Variants in NEUROG3 observed in about 807,000 individuals in gnomAD.
NEUROG3 encodes the protein neurogenin-3.
For synonymous variants in NEUROG3, 161 were observed against 139.2 expected, an observed-to-expected ratio of 1.16 and a Z score of -1.10; for missense variants, 307 against 297.9, an observed-to-expected ratio of 1.03 and a Z score of -0.22.
chr10:69,573,184 G>T (rs1839241756), intron 1 of NEUROG3, 26 bp downstream of exon 1: 1 of 869,888 alleles, frequency 1.1e-6, no homozygotes, highest in Non-Finnish European at 1.8e-6. Flanking sequence ...TCCCCTGCCC[G>T]TCCCTCGGAG....
At position 69,572,608 on chromosome 10, in the gene NEUROG3, A is replaced by G; in HGVS notation, c.436T>C (p.Leu146=). Residue 146 remains leucine, a synonymous_variant, in exon 2 of 2, where the codon TTG becomes CTG. Transcript: ENST00000242462. Reference sequence around the variant, plus strand: ...GGCGCCGGCGGCTCCAGCGCGTACAAGCTGTGGTCCGCTATGCGCAGCGTT... The same window carrying G: ...GGCGCCGGCGGCTCCAGCGCGTACAGGCTGTGGTCCGCTATGCGCAGCGTT... ...TQTLRIADHS[L]YALEPPAPHC... is the part of the protein sequence containing the mutation. 6.2e-7 allele frequency: 1 copy of G among 1,613,964 alleles called. No individual in the cohort carries two copies. The highest frequency in any genetic ancestry group is 8.5e-7 in the Non-Finnish European group (1 of 1,179,918).
chr10:69,572,620 C>T lies in NEUROG3; in HGVS notation c.424G>A (p.Ala142Thr). The stretch of plus-strand genomic sequence containing the variant: ...TCCAGCGCGTACAAGCTGTGGTCCG[C>T]TATGCGCAGCGTTTGAGTCAGCGCC... The part of the protein sequence containing the change: ...IWALTQTLRI[A>T]DHSLYALEPP... Residue 142 changes from alanine (A) to threonine (T), a missense_variant, in exon 2 of 2, where the codon GCG becomes ACG. By Grantham distance (58) the Ala-to-Thr change is moderately conservative. Coordinates refer to ENST00000242462, the MANE Select transcript of NEUROG3 (RefSeq NM_020999.4). The T allele has an allele frequency of 1.9e-6, 3 of 1,614,078 alleles. No individual in the cohort carries two copies. The highest frequency in any genetic ancestry group is 2.5e-6 in the Non-Finnish European group (3 of 1,179,940).
rs1839246045 is a variant in NEUROG3, at chr10:69,573,415, T to A, written c.-207A>T. On this transcript the variant is annotated 5_prime_UTR_variant, in exon 1 of 2. Coordinates refer to ENST00000242462, the MANE Select transcript of NEUROG3 (RefSeq NM_020999.4). The stretch of plus-strand genomic sequence containing the variant: ...GCGCGGCGGTGAGACCGCAGGGATT[T>A]CCTGAGCAGCAAGTCGTGTGCCCCT... Among the ~76,000 whole-genome samples the A allele has an allele frequency of 6.6e-6, 1 of 152,128 alleles. No individual in the cohort carries two copies. Among genetic ancestry groups the A allele is most frequent in the Non-Finnish European group, 1.5e-5 (1 of 68,014 alleles).
chr10:69,572,970 G>T lies in NEUROG3; in HGVS notation c.74C>A (p.Ser25Ter). ...CGTGGGGCAGGTCACTTCGTCTTCC[G>T]AGGCTCTGGGGAAGGACCGCTCCGT... The part of the protein sequence containing the change: ...RETERSFPRA[S>*]EDEVTCPTSA... The change falls in exon 2 of 2, where the codon TCG becomes TAG. Residue 25 changes from serine to a stop codon, truncating the protein, a stop_gained. Transcript: ENST00000242462. LOFTEE classifies it low-confidence loss of function (END_TRUNC). 6.2e-7 allele frequency: 1 copy of T among 1,613,530 alleles called. No homozygotes were observed. Among genetic ancestry groups the T allele is most frequent in the Non-Finnish European group, 8.5e-7 (1 of 1,180,006 alleles).
rs1461650439 is a variant in NEUROG3, at chr10:69,572,882, G to T, written c.162C>A (p.Cys54Ter). 1 of 1,609,636 alleles carries T rather than the reference G, an allele frequency of 6.2e-7. No homozygotes were observed. The highest frequency in any genetic ancestry group is 1.7e-5 in the Admixed American group (1 of 59,820). ...GNCAEAEEGG[C>*]RGAPRKLRAR... Reference sequence around the variant, plus strand: ...CCCGGAGCTTCCTCGGGGCCCCTCGGCAGCCTCCCTCTTCCGCCTCTGCGC... The same window carrying T: ...CCCGGAGCTTCCTCGGGGCCCCTCGTCAGCCTCCCTCTTCCGCCTCTGCGC... Residue 54 changes from cysteine to a stop codon, truncating the protein, a stop_gained, in exon 2 of 2, where the codon TGC becomes TGA. Coordinates refer to ENST00000242462, the MANE Select transcript of NEUROG3 (RefSeq NM_020999.4). LOFTEE classifies it low-confidence loss of function (END_TRUNC).
rs778817582 is a variant in NEUROG3, at chr10:69,572,845, C to T, written c.199G>A (p.Gly67Arg). 1 of 1,610,238 alleles carries T rather than the reference C, an allele frequency of 6.2e-7. No individual in the cohort carries two copies. The change falls in exon 2 of 2, where the codon GGA becomes AGA. Residue 67 changes from glycine (G) to arginine (R), a missense_variant. Physicochemically the swap from Gly to Arg is moderately radical, Grantham distance 125. Coordinates refer to ENST00000242462, the MANE Select transcript of NEUROG3 (RefSeq NM_020999.4). ...APRKLRARRG[G>R]RSRPKSELAL... ...AACTCGCTCTTAGGCCGGCTGCGTCCCCCGCGCCGTGCCCGGAGCTTCCTC... is the reference window on the plus strand; with the variant it reads ...AACTCGCTCTTAGGCCGGCTGCGTCTCCCGCGCCGTGCCCGGAGCTTCCTC...
At position 69,572,881 on chromosome 10, in the gene NEUROG3, G is replaced by C. The variant is rs757235177; in HGVS notation, c.163C>G (p.Arg55Gly). 3.7e-6 allele frequency: 6 copies of C among 1,608,828 alleles called. No homozygotes were observed. The highest frequency in any genetic ancestry group is 1.6e-4 in the Middle Eastern group (1 of 6,072). ...GCCCGGAGCTTCCTCGGGGCCCCTC[G>C]GCAGCCTCCCTCTTCCGCCTCTGCG... ...NCAEAEEGGC[R>G]GAPRKLRARR... Residue 55 changes from arginine to glycine, a missense_variant, in exon 2 of 2, where the codon CGA becomes GGA. Coordinates refer to ENST00000242462, the MANE Select transcript of NEUROG3 (RefSeq NM_020999.4).
chr10:69,572,834 C>T lies in NEUROG3; in HGVS notation c.210G>A (p.Arg70=), dbSNP rs149911227. 154 of 1,610,584 alleles carry T rather than the reference C, an allele frequency of 9.6e-5. 1 individual carries two copies. Among genetic ancestry groups the T allele is most frequent in the Non-Finnish European group, 2.3e-5 (27 of 1,178,624 alleles). ...KLRARRGGRS[R]PKSELALSKQ... is the part of the protein sequence containing the mutation. Reference sequence around the variant, plus strand: ...TGCTCAGTGCCAACTCGCTCTTAGGCCGGCTGCGTCCCCCGCGCCGTGCCC... The same window carrying T: ...TGCTCAGTGCCAACTCGCTCTTAGGTCGGCTGCGTCCCCCGCGCCGTGCCC... Residue 70 remains arginine, a synonymous_variant, in exon 2 of 2, where the codon CGG becomes CGA. Transcript: ENST00000242462.
In NEUROG3 at chr10:69,573,202, A is replaced by G. The variant is rs1839242148; in HGVS notation, c.-2+8T>C. ...CCTGCCCGTCCCTCGGAGGCCTCCA[A>G]ATATTACCTTTCTACCGGCGCAAAA... is the stretch of plus-strand genomic sequence containing the variant. On this transcript the variant is annotated splice_region_variant and intron_variant, in intron 1 of 1. Transcript: ENST00000242462. 2 of 745,080 alleles carry G rather than the reference A, an allele frequency of 2.7e-6. No individual in the cohort carries two copies. The highest frequency in any genetic ancestry group is 3.6e-5 in the South Asian group (2 of 55,160). The allele number at this position is 745,080 out of a possible 1,614,324, so 46.2% of individuals were successfully genotyped here. A position where few individuals can be genotyped will look rare whatever the true frequency, so the allele number is the denominator to read the frequency against.
In NEUROG3 at chr10:69,571,906, C is replaced by CTCTA; in HGVS notation, c.*492_*493insTAGA. 1 of 155,968 alleles carries CTCTA rather than the reference C, an allele frequency of 6.4e-6. No homozygotes were observed. The highest frequency in any genetic ancestry group is 2.0e-4 in the South Asian group (1 of 4,984). 9.7% of individuals were successfully genotyped at this position (155,968 alleles called of 1,614,324 possible). On this transcript the variant is annotated 3_prime_UTR_variant, in exon 2 of 2. Transcript: ENST00000242462. ...GAGTGAGGCGCCCTGAAATCCCGGA[C>CTCTA]CTGATTGGGAGTAGAGCAGATCGGC...
rs866205996 is a variant in NEUROG3 at position 69,572,491 on chromosome 10, C to T, written c.553G>A (p.Ala185Thr). 1.3e-6 allele frequency: 2 copies of T among 1,589,628 alleles called. No individual in the cohort carries two copies. The highest frequency in any genetic ancestry group is 1.8e-5 in the Admixed American group (1 of 56,326). The change falls in exon 2 of 2, where the codon GCC becomes ACC. Residue 185 changes from alanine to threonine, a missense_variant. Physicochemically the swap from Ala to Thr is moderately conservative, Grantham distance 58. Coordinates refer to ENST00000242462, the MANE Select transcript of NEUROG3 (RefSeq NM_020999.4). ...CCGGGTCGCTCCTCCAGCGACGCGG[C>T]GGGACTCAGGCTGCCAGCCTGGGAG... The part of the protein sequence containing the change: ...PVSQAGSLSP[A>T]ASLEERPGLL...
rs1177984750 is a variant in NEUROG3, at chr10:69,572,387, A to G, written c.*12T>C. The stretch of plus-strand genomic sequence containing the variant: ...CCCTTAGCACCCACAGCCCAGCGAC[A>G]GACAGGTCCTTTCACAGAAAATCTG... On this transcript the variant is annotated 3_prime_UTR_variant, in exon 2 of 2. Coordinates refer to ENST00000242462, the MANE Select transcript of NEUROG3 (RefSeq NM_020999.4). The G allele has an allele frequency of 7.0e-6, 11 of 1,581,904 alleles. No individual in the cohort carries two copies. Among genetic ancestry groups the G allele is most frequent in the Non-Finnish European group, 9.4e-6 (11 of 1,171,736 alleles).
In NEUROG3 at chr10:69,572,584, G is replaced by T. The variant is rs749548829; in HGVS notation, c.460C>A (p.Pro154Thr). ...HSLYALEPPA[P>T]HCGELGSPGG... Reference sequence around the variant, plus strand: ...GGGCTGCCCAGCTCCCCGCAGTGCGGCGCCGGCGGCTCCAGCGCGTACAAG... The same window carrying T: ...GGGCTGCCCAGCTCCCCGCAGTGCGTCGCCGGCGGCTCCAGCGCGTACAAG... Residue 154 changes from proline to threonine, a missense_variant, in exon 2 of 2, where the codon CCG becomes ACG. Transcript: ENST00000242462. 1.2e-6 allele frequency: 2 copies of T among 1,613,582 alleles called. No homozygotes were observed. Among genetic ancestry groups the T allele is most frequent in the Admixed American group, 1.7e-5 (1 of 59,990 alleles).
chr10:69,572,245 C>G lies in NEUROG3; in HGVS notation c.*154G>C. ...GGGGAATGAACCCAGCCTGCCGCCC[C>G]CGTGGAGGCCTGGGCCGGCCAGGGG... On this transcript the variant is annotated 3_prime_UTR_variant, in exon 2 of 2. Transcript: ENST00000242462. The G allele has an allele frequency of 1.2e-6, 1 of 853,020 alleles. No individual in the cohort carries two copies. Among genetic ancestry groups the G allele is most frequent in the Non-Finnish European group, 1.8e-6 (1 of 562,128 alleles). 52.8% of individuals were successfully genotyped at this position (853,020 alleles called of 1,614,324 possible).
At position 69,573,034 on chromosome 10, in the gene NEUROG3, G is replaced by GA. The variant is rs1327226627; in HGVS notation, c.9dup (p.Gln4SerfsTer13). 6.2e-7 allele frequency: 1 copy of GA among 1,613,410 alleles called. No individual in the cohort carries two copies. The highest frequency in any genetic ancestry group is 1.3e-5 in the African/African-American group (1 of 74,934). Reference sequence around the variant, plus strand: ...TGGACAGTGGGCGCACCCGAGGGTTGAGGCGTCATCCTACGGCGGGGTCAG... The same window carrying GA: ...TGGACAGTGGGCGCACCCGAGGGTTGAAGGCGTCATCCTACGGCGGGGTCAG... On this transcript the variant is annotated frameshift_variant, in exon 2 of 2. Transcript: ENST00000242462. LOFTEE classifies it low-confidence loss of function (END_TRUNC).
In NEUROG3 at chr10:69,573,126, C is replaced by A. The variant is rs561609934; in HGVS notation, c.-1-82G>T. The stretch of plus-strand genomic sequence containing the variant: ...GATTCCGAGGCTAGGTGGGAAAAAA[C>A]AAAAACAGCCATCCTCCCAGCCCCC... On this transcript the variant is annotated intron_variant, in intron 1 of 1. Transcript: ENST00000242462. 4 of 1,489,088 alleles carry A rather than the reference C, an allele frequency of 2.7e-6. No homozygotes were observed. The Admixed American group carries it at 7.0e-5, about 26-fold the overall frequency. The allele number at this position is 1,489,088 out of a possible 1,614,324, so 92.2% of individuals were successfully genotyped here.
At position 69,572,704 on chromosome 10, in the gene NEUROG3, G is replaced by T. The variant is rs1238327321; in HGVS notation, c.340C>A (p.Pro114Thr). Residue 114 changes from proline to threonine, a missense_variant, in exon 2 of 2, where the codon CCA (proline) becomes ACA (threonine). Physicochemically the swap from Pro to Thr is conservative, Grantham distance 38. Transcript: ENST00000242462. ...DALRGVLPTF[P>T]DDAKLTKIET... ...ATCTTGGTGAGCTTCGCGTCGTCTG[G>T]GAAGGTGGGCAGGACACCGCGCAGG... 1.9e-6 allele frequency: 3 copies of T among 1,614,034 alleles called. No individual in the cohort carries two copies. Among genetic ancestry groups the T allele is most frequent in the Non-Finnish European group, 2.5e-6 (3 of 1,179,980 alleles).
chr10:69,573,221 C>T lies in NEUROG3; in HGVS notation c.-13G>A, dbSNP rs986273323. The T allele has an allele frequency of 2.5e-4, 171 of 688,314 alleles. No homozygotes were observed. The highest frequency in any genetic ancestry group is 3.9e-4 in the Non-Finnish European group (163 of 416,234). 42.6% of individuals were successfully genotyped at this position (688,314 alleles called of 1,614,324 possible). ...CCTCCAAATATTACCTTTCTACCGG[C>T]GCAAAAGAATAGAGAGCGATGAGCA... On this transcript the variant is annotated 5_prime_UTR_variant, in exon 1 of 2. Transcript: ENST00000242462.
chr10:69,572,038 G>A lies in NEUROG3; in HGVS notation c.*361C>T, dbSNP rs1839215407. ...GAGACTGAGAGGCAGACAGACTTGA[G>A]TGAGGGTAGGGCGACCCAAGACGGT... On this transcript the variant is annotated 3_prime_UTR_variant, in exon 2 of 2. Coordinates refer to ENST00000242462, the MANE Select transcript of NEUROG3 (RefSeq NM_020999.4). The A allele has an allele frequency of 9.3e-6, 3 of 322,868 alleles. No homozygotes were observed. Among genetic ancestry groups the A allele is most frequent in the Non-Finnish European group, 1.7e-5 (3 of 173,644 alleles). 20.0% of individuals were successfully genotyped at this position (322,868 alleles called of 1,614,324 possible).
Sources: allele counts gnomAD v4.1 joint callset (sites outside exome capture counted in the v4.1 genomes callset), GRCh38; gene constraint gnomAD v4.1.1; transcripts MANE v1.5; gene names NCBI Gene and HGNC (gene_info 2026-07-23, HGNC 2026-07-21).